The following UBE2E3 variants were observed in gnomAD, a reference collection of about 807,000 sequenced individuals.
UBE2E3 encodes ubiquitin-conjugating enzyme E2 E3.
A neutral mutation model predicts 23.6 loss-of-function variants in UBE2E3; 5 were observed. The ratio of observed to expected loss-of-function variants is 0.21; its 90% CI spans 0.11 to 0.44. The LOEUF (loss-of-function observed/expected upper bound fraction) is 0.44, where lower values mean the gene tolerates loss of function less well. UBE2E3 is among the 20% of genes least tolerant of loss of function. UBE2E3 has a pLI of 0.99. For synonymous variants in UBE2E3, 78 were observed against 87.5 expected (o/e 0.89, Z 0.60); for missense variants, 81 against 249.8 (o/e 0.32, Z 4.55).
At chr2:181,008,253 A>G (rs377090301) in intron 3 of UBE2E3, among the ~76,000 whole-genome samples, 1 of 152,232 alleles carries the variant, frequency 6.6e-6, no homozygotes, top group Non-Finnish European at 1.5e-5. Flanking sequence ...AATTCTGCTA[A>G]TATTTATTGA....
At chr2:180,991,169 A>G (rs1559112881) in intron 3 of UBE2E3, among the ~76,000 whole-genome samples, 1 of 147,756 alleles carries the variant, frequency 6.8e-6, no homozygotes, top group Admixed American at 6.7e-5. Flanking sequence ...CTTTTTTTTC[A>G]GAGTTTTGGG....
chr2:181,043,018 G>C (rs969961940), intron 3 of UBE2E3, among the ~76,000 whole-genome samples: 1 of 152,140 alleles, frequency 6.6e-6, no homozygotes, highest in Admixed American at 6.5e-5. Context: ...TGTCTGGTGA[G>C]CAAGGAAGCT....
intron 3 of UBE2E3, among the ~76,000 whole-genome samples, chr2:181,007,939 G>T (rs1462811231): frequency 6.6e-6 from 1 of 152,184 alleles, no homozygotes; most frequent in African/African-American, 2.4e-5. Context: ...ATCAAGGAAG[G>T]TTTCTACAGG....
At chr2:181,045,489 T>A (rs1293453766) in intron 3 of UBE2E3, among the ~76,000 whole-genome samples, 1 of 152,192 alleles carries the variant, frequency 6.6e-6, no homozygotes, top group African/African-American at 2.4e-5. Flanking sequence ...TTTTCATTCT[T>A]TTTTTCCCCA....
intron 3 of UBE2E3, among the ~76,000 whole-genome samples, chr2:180,992,321 T>A (rs4666662): frequency 0.23 from 35,246 of 152,124 alleles, 4,451 homozygotes; most frequent in Non-Finnish European, 0.28. Flanking sequence ...AATCTTTAAT[T>A]CTTAAACACA....
At chr2:181,051,607 G>T (rs973113455) in intron 3 of UBE2E3, among the ~76,000 whole-genome samples, 2 of 151,738 alleles carry the variant, frequency 1.3e-5, no homozygotes, top group African/African-American at 4.8e-5. Context: ...CTCATTGTGG[G>T]AAAAGTCGTA....
chr2:181,010,364 T>C (rs1056258884), intron 3 of UBE2E3, among the ~76,000 whole-genome samples: 1 of 152,026 alleles, frequency 6.6e-6, no homozygotes, highest in Non-Finnish European at 1.5e-5. Context: ...GGAAGGATTA[T>C]TTTTTTGAGG....
chr2:180,982,188 C>T lies in UBE2E3; in HGVS notation c.146C>T (p.Thr49Ile), dbSNP rs778285822. The change falls in exon 2 of 6, where the codon ACC (threonine) becomes ATC (isoleucine). Residue 49 changes from threonine to isoleucine, a missense_variant. By Grantham distance (89) the Thr-to-Ile change is moderately conservative (BLOSUM62 -1). Transcript: ENST00000410062. ...KPSATQQKKN[T>I]KLSSKTTAKL... ...TCTGCCACCCAGCAGAAGAAAAACA[C>T]CAAACTCTCTAGCAAAACCACTGCT... The T allele has an allele frequency of 1.2e-6, 2 of 1,612,544 alleles. No individual in the cohort carries two copies. The highest frequency in any genetic ancestry group is 3.4e-5 in the Admixed American group (2 of 59,640).
intron 4 of UBE2E3, among the ~76,000 whole-genome samples, chr2:181,059,489 CACATAAA>C (rs1222412250): frequency 1.4e-4 from 21 of 151,566 alleles, no homozygotes; most frequent in African/African-American, 4.3e-4. Flanking sequence ...TTCTAATAGC[CACATAAA>C]ACATAAAACA....
At chr2:181,059,764 CT>C (rs1392568006) in intron 4 of UBE2E3, among the ~76,000 whole-genome samples, 1 of 151,662 alleles carries the variant, frequency 6.6e-6, no homozygotes, top group Non-Finnish European at 1.5e-5. Context: ...TCCTCCCCCA[CT>C]AAACTAGTGT....
intron 3 of UBE2E3, among the ~76,000 whole-genome samples, chr2:181,027,654 G>A (rs372510255): frequency 1.2e-4 from 18 of 151,896 alleles, no homozygotes; most frequent in African/African-American, 3.4e-4. Flanking sequence ...GAGTGCTGCA[G>A]CATGTTGTGT....
intron 3 of UBE2E3, among the ~76,000 whole-genome samples, chr2:181,016,922 A>G (rs1387164920): frequency 1.3e-5 from 2 of 152,190 alleles, no homozygotes; most frequent in Admixed American, 6.5e-5. Flanking sequence ...GAGAGAGGGA[A>G]CCTCTTTAAG....
At chr2:181,061,756 T>G (rs1388919682) in intron 5 of UBE2E3, among the ~76,000 whole-genome samples, 1 of 146,116 alleles carries the variant, frequency 6.8e-6, no homozygotes, top group Non-Finnish European at 1.5e-5. Flanking sequence ...ATTTCACACA[T>G]TTTGTTTCGT....
chr2:180,987,848 C>T (rs574465809), intron 3 of UBE2E3, among the ~76,000 whole-genome samples: 2 of 152,168 alleles, frequency 1.3e-5, no homozygotes, highest in South Asian at 2.1e-4. Flanking sequence ...TCAGCATCTG[C>T]GTCACAGATG....
At chr2:181,038,474 C>T (rs1177465524) in intron 3 of UBE2E3, among the ~76,000 whole-genome samples, 1 of 152,084 alleles carries the variant, frequency 6.6e-6, no homozygotes, top group Non-Finnish European at 1.5e-5. Context: ...AAAATTAATT[C>T]AAAATGGGTC....
In UBE2E3 at chr2:181,032,971, A is replaced by G. The variant is rs569603437; in HGVS notation, c.246-24722A>G. Reference sequence around the variant, plus strand: ...AAAATACCTAGGAATCCAACTTACAAGGGATATGAAGGACCTCTTCAAGGA... The same window carrying G: ...AAAATACCTAGGAATCCAACTTACAGGGGATATGAAGGACCTCTTCAAGGA... On this transcript the variant is annotated intron_variant, in intron 3 of 5. Coordinates refer to ENST00000410062, the MANE Select transcript of UBE2E3 (RefSeq NM_006357.4). Among the ~76,000 whole-genome samples the G allele has an allele frequency of 1.5e-4, 23 of 152,322 alleles. 1 individual carries two copies. In the South Asian group the frequency reaches 4.6e-3, roughly 30 times the overall value.
At chr2:181,024,399 G>A (rs553879682) in intron 3 of UBE2E3, among the ~76,000 whole-genome samples, 1 of 152,196 alleles carries the variant, frequency 6.6e-6, no homozygotes, top group East Asian at 1.9e-4. Flanking sequence ...TTTTCAAAAA[G>A]GAAGGAAAAT....
chr2:180,994,691 A>G (rs1574162947), intron 3 of UBE2E3, among the ~76,000 whole-genome samples: 1 of 152,212 alleles, frequency 6.6e-6, no homozygotes, highest in Non-Finnish European at 1.5e-5. Context: ...TTTTCAATAA[A>G]TGTATTGGAA....
chr2:181,018,616 T>TTC (rs1685573900), intron 3 of UBE2E3, among the ~76,000 whole-genome samples: 2 of 148,282 alleles, frequency 1.3e-5, no homozygotes, highest in African/African-American at 5.0e-5. Flanking sequence ...TTTTTTTTTT[T>TTC]CCATTAGTGA....
Sources: allele counts gnomAD v4.1 joint callset (sites outside exome capture counted in the v4.1 genomes callset), GRCh38; gene constraint gnomAD v4.1.1; transcripts MANE v1.5; gene names NCBI Gene and HGNC (gene_info 2026-07-23, HGNC 2026-07-21).